PRKAG2: variants seen among roughly 807,000 people sequenced by gnomAD.
PRKAG2 encodes the protein protein kinase AMP-activated non-catalytic subunit gamma 2, also known as 5'-AMP-activated protein kinase subunit gamma-2.
A neutral mutation model predicts 69.6 loss-of-function variants in PRKAG2; 26 were observed. The ratio of observed to expected loss-of-function variants is 0.37; its 90% CI spans 0.27 to 0.52. The LOEUF (loss-of-function observed/expected upper bound fraction) is 0.52. PRKAG2 is among the 20% of genes least tolerant of loss of function. The pLI is 0.90. For synonymous variants in PRKAG2, 293 were observed against 285.0 expected (o/e 1.03, Z -0.28); for missense variants, 557 against 740.0 (o/e 0.75, Z 2.87).
At chr7:151,794,342 C>A (rs528562186) in intron 1 of PRKAG2, among the ~76,000 whole-genome samples, 1 of 152,390 alleles carries the variant, frequency 6.6e-6, no homozygotes, top group East Asian at 1.9e-4. Flanking sequence ...ACCCTCCCCG[C>A]AGTTCTGCAT....
At chr7:151,601,033 T>C (rs767593794) in intron 5 of PRKAG2, among the ~76,000 whole-genome samples, 5 of 152,184 alleles carry the variant, frequency 3.3e-5, no homozygotes, top group Non-Finnish European at 7.3e-5. Flanking sequence ...CAGGCTCCAG[T>C]AGCTCCTTAT....
intron 5 of PRKAG2, among the ~76,000 whole-genome samples, chr7:151,608,481 C>T (rs1585195737): frequency 6.6e-6 from 1 of 152,134 alleles, no homozygotes; most frequent in Admixed American, 6.6e-5. Context: ...ACATGCGCAC[C>T]GGGGGGCAGC....
chr7:151,833,266 C>G (rs2079078524), intron 1 of PRKAG2, among the ~76,000 whole-genome samples: 1 of 152,156 alleles, frequency 6.6e-6, no homozygotes, highest in Non-Finnish European at 1.5e-5. Context: ...GAAGCTGGGA[C>G]AGAGCACCCC....
intron 3 of PRKAG2, among the ~76,000 whole-genome samples, chr7:151,737,438 G>A (rs758876338): frequency 6.6e-6 from 1 of 152,132 alleles, no homozygotes; most frequent in African/African-American, 2.4e-5. Flanking sequence ...ATGAGGAGGA[G>A]ACTATGTCAG....
At chr7:151,584,042 G>A (rs1052501668) in intron 6 of PRKAG2, among the ~76,000 whole-genome samples, 9 of 152,268 alleles carry the variant, frequency 5.9e-5, no homozygotes, top group South Asian at 4.1e-4. Flanking sequence ...TATCTACTGC[G>A]TCAAGAAGGG....
chr7:151,800,133 G>A (rs545490949), intron 1 of PRKAG2, among the ~76,000 whole-genome samples: 13 of 152,004 alleles, frequency 8.6e-5, no homozygotes, highest in South Asian at 4.2e-4. Context: ...CGAGGTGGGC[G>A]GATCATGAGG....
rs763595216 is a variant in PRKAG2, at chr7:151,781,080, G to A, written c.466+72C>T. 7.7e-5 allele frequency: 122 copies of A among 1,593,012 alleles called. No individual in the cohort carries two copies. The highest frequency in any genetic ancestry group is 2.1e-4 in the Middle Eastern group (1 of 4,722). ...GCCACCTGGCAGCTTCGGTGCCACC[G>A]TGGATGTGTGGCTGCAGAAGAGACC... On this transcript the variant is annotated intron_variant, in intron 3 of 15. Coordinates refer to ENST00000287878, the MANE Select transcript of PRKAG2 (RefSeq NM_016203.4). This position sits in a 1 kb window ranked among gnomAD's most constrained non-coding sequence, Gnocchi z 6.1.
chr7:151,704,075 T>C (rs1838211304), intron 3 of PRKAG2, among the ~76,000 whole-genome samples: 1 of 151,144 alleles, frequency 6.6e-6, no homozygotes, highest in Non-Finnish European at 1.5e-5. Flanking sequence ...AAAAAAAATG[T>C]GGGTACATAG....
At chr7:151,830,804 G>T (rs903279909) in intron 1 of PRKAG2, among the ~76,000 whole-genome samples, 23 of 150,562 alleles carry the variant, frequency 1.5e-4, no homozygotes, top group Non-Finnish European at 2.7e-4. Flanking sequence ...GGGTTGTGAT[G>T]AGAGGGAGGA....
chr7:151,730,749 T>G (rs375899473), intron 3 of PRKAG2, among the ~76,000 whole-genome samples: 9 of 152,050 alleles, frequency 5.9e-5, no homozygotes, highest in African/African-American at 2.2e-4. Context: ...CACAAGATGG[T>G]CCCCACAGGG....
intron 1 of PRKAG2, among the ~76,000 whole-genome samples, chr7:151,846,244 G>GATC (rs1451723165): frequency 6.6e-6 from 1 of 152,196 alleles, no homozygotes; most frequent in East Asian, 1.9e-4. Flanking sequence ...GGGGTGGGCA[G>GATC]ATCACTTGAG....
chr7:151,702,933 C>A (rs186324585), intron 3 of PRKAG2, among the ~76,000 whole-genome samples: 89 of 152,266 alleles, frequency 5.8e-4, no homozygotes, highest in African/African-American at 2.0e-3. Context: ...AGAACTGGAG[C>A]AAGTAGAGTG....
At chr7:151,595,768 C>A (rs542853008) in intron 5 of PRKAG2, among the ~76,000 whole-genome samples, 1 of 152,230 alleles carries the variant, frequency 6.6e-6, no homozygotes, top group East Asian at 1.9e-4. Flanking sequence ...AGAAAAAGTT[C>A]CTAGATCTAA....
At chr7:151,648,158 CAG>C (rs1827866708) in intron 4 of PRKAG2, among the ~76,000 whole-genome samples, 1 of 151,994 alleles carries the variant, frequency 6.6e-6, no homozygotes, top group African/African-American at 2.4e-5. Context: ...GGAAGAATGA[CAG>C]AGATTTTTGA....
At chr7:151,563,227 AT>A (rs1805488586) in intron 14 of PRKAG2, among the ~76,000 whole-genome samples, 1 of 152,014 alleles carries the variant, frequency 6.6e-6, no homozygotes. Flanking sequence ...AAAAACTGTT[AT>A]TTTTTTGGTC....
At chr7:151,622,279 G>A (rs73730227) in intron 5 of PRKAG2, among the ~76,000 whole-genome samples, 1,902 of 152,274 alleles carry the variant, frequency 0.012, 29 homozygotes, top group African/African-American at 0.043. Flanking sequence ...CTGGAGTTTC[G>A]CAGAGATTAC....
chr7:151,619,367 C>T (rs1262351749), intron 5 of PRKAG2, among the ~76,000 whole-genome samples: 1 of 152,146 alleles, frequency 6.6e-6, no homozygotes, highest in Non-Finnish European at 1.5e-5. Context: ...AATCCAAAAA[C>T]GTAAAATCCC....
chr7:151,729,086 C>A (rs538732074), intron 3 of PRKAG2, among the ~76,000 whole-genome samples: 1 of 150,754 alleles, frequency 6.6e-6, no homozygotes, highest in African/African-American at 2.4e-5. Flanking sequence ...TTCCACCAGG[C>A]AGCGCTTGGT....
chr7:151,610,509 TC>T (rs1818532396), intron 5 of PRKAG2, among the ~76,000 whole-genome samples: 1 of 151,864 alleles, frequency 6.6e-6, no homozygotes, highest in African/African-American at 2.4e-5. Context: ...AAACCCTGTG[TC>T]AACTGAAAAT....
Sources: gnomAD v4.1 joint callset for allele counts (sites outside exome capture counted in the v4.1 genomes callset) on GRCh38, gnomAD v4.1.1 for gene constraint, Gnocchi (gnomAD v3.1) non-coding constraint, MANE v1.5 for transcripts, NCBI Gene and HGNC (gene_info 2026-07-23, HGNC 2026-07-21) for gene names.